Variants in GDAP1 observed in about 807,000 individuals in gnomAD.
GDAP1 encodes ganglioside-induced differentiation-associated protein 1.
GDAP1 carries 34 observed loss-of-function variants against 40.1 expected under a neutral mutation model. That is an observed-to-expected ratio of 0.85 (90% confidence interval 0.64 to 1.13). The LOEUF is 1.13. Ranked by LOEUF, GDAP1 falls within the 50% of genes most tolerant of loss-of-function variation. The probability of loss-of-function intolerance (pLI) is 0.00; values close to 1 mark genes in which losing one functional copy is unlikely to be tolerated. For missense variants in GDAP1, 374 were observed against 433.7 expected (o/e 0.86, Z 1.22); for synonymous variants, 170 against 157.4 (o/e 1.08, Z -0.60).
intron 2 of GDAP1, among the ~76,000 whole-genome samples, chr8:74,463,813 C>T (rs1806434175): frequency 6.6e-6 from 1 of 152,062 alleles, no homozygotes; most frequent in Non-Finnish European, 1.5e-5. Flanking sequence ...GTAATCAAAA[C>T]TTCTGTGTAT....
chr8:74,431,576 G>A (rs932884585), intron 2 of GDAP1, among the ~76,000 whole-genome samples: 7 of 152,060 alleles, frequency 4.6e-5, no homozygotes, highest in African/African-American at 1.7e-4. Flanking sequence ...CCGCCTCCCG[G>A]GTTCACGCCA....
chr8:74,351,173 G>C, intron 1 of GDAP1, 101 bp from the exon 2 acceptor site: 1 of 897,940 alleles, frequency 1.1e-6, no homozygotes, highest in Non-Finnish European at 1.9e-6. Flanking sequence ...TGAAAATGTC[G>C]GTAACACAGG....
intron 2 of GDAP1, among the ~76,000 whole-genome samples, chr8:74,437,577 T>C (rs1031902721): frequency 3.3e-5 from 5 of 152,174 alleles, no homozygotes; most frequent in African/African-American, 1.2e-4. Flanking sequence ...TTTCCCATGC[T>C]GAGTTTTCCT....
At chr8:74,435,258 G>A (rs939426902) in intron 2 of GDAP1, among the ~76,000 whole-genome samples, 1 of 152,126 alleles carries the variant, frequency 6.6e-6, no homozygotes, top group Non-Finnish European at 1.5e-5. Context: ...CCTTAAAGCA[G>A]GAGATAGGAG....
chr8:74,399,799 C>T (rs1184719584), intron 2 of GDAP1, among the ~76,000 whole-genome samples: 38 of 130,852 alleles, frequency 2.9e-4, no homozygotes, highest in Admixed American at 8.3e-4. Flanking sequence ...GCCTTCATTT[C>T]GTTATGTACC....
At chr8:74,446,191 A>C (rs944266440) in intron 2 of GDAP1, among the ~76,000 whole-genome samples, 7 of 152,188 alleles carry the variant, frequency 4.6e-5, no homozygotes, top group Non-Finnish European at 7.4e-5. Flanking sequence ...AATATTCTGG[A>C]GTCTTTTAAG....
chr8:74,374,427 A>G (rs530382712), intron 2 of GDAP1, among the ~76,000 whole-genome samples: 18 of 152,194 alleles, frequency 1.2e-4, no homozygotes, highest in Non-Finnish European at 2.1e-4. Context: ...TTTTCATGTA[A>G]GTTTCCACTT....
At chr8:74,397,525 A>C (rs1264949206) in intron 2 of GDAP1, among the ~76,000 whole-genome samples, 1 of 152,144 alleles carries the variant, frequency 6.6e-6, no homozygotes, top group Non-Finnish European at 1.5e-5. Flanking sequence ...TCTTGAATTA[A>C]TTTTTGTATA....
chr8:74,369,305 T>A (rs187326474), downstream of GDAP1, among the ~76,000 whole-genome samples: 116 of 152,270 alleles, frequency 7.6e-4, no homozygotes, highest in African/African-American at 2.7e-3. Flanking sequence ...TAAATAGATA[T>A]GACCTAAATG....
intron 2 of GDAP1, among the ~76,000 whole-genome samples, chr8:74,432,553 C>A (rs907973301): frequency 6.6e-6 from 1 of 152,136 alleles, no homozygotes; most frequent in African/African-American, 2.4e-5. Flanking sequence ...GCCTGTATCC[C>A]TATCATCCCA....
At chr8:74,406,227 T>G (rs1266752484) in intron 2 of GDAP1, among the ~76,000 whole-genome samples, 1 of 150,310 alleles carries the variant, frequency 6.7e-6, no homozygotes, top group Non-Finnish European at 1.5e-5. Context: ...GGTAAAAATG[T>G]GTGGTACACA....
intron 2 of GDAP1, among the ~76,000 whole-genome samples, chr8:74,380,776 C>T (rs1809939092): frequency 1.3e-5 from 2 of 152,066 alleles, no homozygotes; most frequent in South Asian, 4.1e-4. Context: ...GCAGTTAAGG[C>T]CCAGGTGTAT....
chr8:74,363,950 T>C, intron 5 of GDAP1, 35 bp from the exon 6 acceptor site: 1 of 1,602,986 alleles, frequency 6.2e-7, no homozygotes, highest in Non-Finnish European at 8.5e-7. Flanking sequence ...GTAGAGTGCT[T>C]GCCTCTAATT....
chr8:74,362,037 T>C, intron 4 of GDAP1, 59 bp downstream of exon 4: 1 of 878,518 alleles, frequency 1.1e-6, no homozygotes, highest in Non-Finnish European at 1.9e-6. Flanking sequence ...GTTCTACTTT[T>C]TGTAAAGTAC....
At position 74,350,450 on chromosome 8, in the gene GDAP1, G is replaced by C; in HGVS notation, c.-12G>C. On this transcript the variant is annotated 5_prime_UTR_variant, in exon 1 of 6. Coordinates refer to ENST00000220822, the MANE Select transcript of GDAP1 (RefSeq NM_018972.4). ...GGACAGGCTGGGCGCACCCGTGCTC[G>C]CGCACCCCAAGATGGCTGAGAGGCA... 1.3e-6 allele frequency: 2 copies of C among 1,560,312 alleles called. No individual in the cohort carries two copies. Among genetic ancestry groups the C allele is most frequent in the Non-Finnish European group, 1.8e-6 (2 of 1,133,056 alleles).
At chr8:74,358,345 A>G (rs1449975545) in intron 2 of GDAP1, among the ~76,000 whole-genome samples, 1 of 152,202 alleles carries the variant, frequency 6.6e-6, no homozygotes, top group South Asian at 2.1e-4. Context: ...GCCACTAGCC[A>G]TTACTTGGAC....
At chr8:74,421,057 T>TGATA (rs764412915) in intron 2 of GDAP1, among the ~76,000 whole-genome samples, 4 of 151,920 alleles carry the variant, frequency 2.6e-5, no homozygotes, top group East Asian at 3.8e-4. Flanking sequence ...GATAGATAGA[T>TGATA]GATAGATAGA....
At chr8:74,402,401 T>G (rs74947680) in intron 2 of GDAP1, among the ~76,000 whole-genome samples, 4 of 150,244 alleles carry the variant, frequency 2.7e-5, no homozygotes, top group African/African-American at 1.0e-4. Flanking sequence ...TTTTAAGCCC[T>G]TCGGAAAAGC....
chr8:74,461,947 C>T (rs1459259220), intron 2 of GDAP1, among the ~76,000 whole-genome samples: 1 of 152,142 alleles, frequency 6.6e-6, no homozygotes, highest in Non-Finnish European at 1.5e-5. Context: ...ATAAAATTTT[C>T]CTCTCTTTAT....
Sources: allele counts gnomAD v4.1 joint callset (sites outside exome capture counted in the v4.1 genomes callset), GRCh38; gene constraint gnomAD v4.1.1; transcripts MANE v1.5; gene names NCBI Gene and HGNC (gene_info 2026-07-23, HGNC 2026-07-21).